RBFOX2: variants seen among roughly 807,000 people sequenced by gnomAD.
RBFOX2 encodes RNA binding protein fox-1 homolog 2.
A neutral mutation model predicts 49.1 loss-of-function variants in RBFOX2; 10 were observed. That is an observed-to-expected ratio of 0.20 (90% CI 0.13 to 0.35). The LOEUF is 0.35. Among genes scored for constraint, RBFOX2 ranks in the 10% least tolerant of loss-of-function variants. The probability of loss-of-function intolerance (pLI) is 1.00; values close to 1 mark genes in which losing one functional copy is unlikely to be tolerated. For missense variants in RBFOX2, 323 were observed against 486.9 expected (o/e 0.66, Z 3.17); for synonymous variants, 183 against 187.4 (o/e 0.98, Z 0.19).
intron 1 of RBFOX2, among the ~76,000 whole-genome samples, chr22:35,834,235 T>C (rs1396947076): frequency 6.6e-6 from 1 of 152,250 alleles, no homozygotes; most frequent in Non-Finnish European, 1.5e-5. Context: ...AACCGTCATA[T>C]GCCTAGTTTC....
intron 1 of RBFOX2, among the ~76,000 whole-genome samples, chr22:35,923,338 T>C (rs781122048): frequency 3.3e-5 from 5 of 150,572 alleles, no homozygotes; most frequent in Non-Finnish European, 5.9e-5. Context: ...ATATCTTTTT[T>C]TTCTTTTTTC....
At chr22:35,845,344 T>G (rs1483022747), upstream of RBFOX2, among the ~76,000 whole-genome samples, 1 of 152,010 alleles carries the variant, frequency 6.6e-6, no homozygotes, top group African/African-American at 2.4e-5. Flanking sequence ...TTTCCCTAAC[T>G]TTATTTCTCT....
intron 1 of RBFOX2, among the ~76,000 whole-genome samples, chr22:35,904,717 C>A (rs1283232915): frequency 6.6e-6 from 1 of 152,176 alleles, no homozygotes; most frequent in Non-Finnish European, 1.5e-5. Context: ...TTCTTCTCAG[C>A]ACAATAATAG....
chr22:36,023,040 A>C (rs1265108813), intron 1 of RBFOX2, among the ~76,000 whole-genome samples: 1 of 152,158 alleles, frequency 6.6e-6, no homozygotes, highest in Non-Finnish European at 1.5e-5. Context: ...AATTTCAGTG[A>C]AATATTGTTC....
chr22:35,971,194 T>C (rs1039073491), intron 1 of RBFOX2, among the ~76,000 whole-genome samples: 2 of 152,062 alleles, frequency 1.3e-5, no homozygotes, highest in African/African-American at 2.4e-5. Context: ...CAATACTACA[T>C]GGGATGTGGG....
At chr22:35,898,148 A>G in intron 1 of RBFOX2, 1 of 744,320 alleles carries the variant, frequency 1.3e-6, no homozygotes, top group Non-Finnish European at 2.5e-6. Context: ...CATGTATCAC[A>G]CCGATAGGGT....
At chr22:36,006,332 A>C (rs2058617931) in intron 1 of RBFOX2, among the ~76,000 whole-genome samples, 1 of 152,228 alleles carries the variant, frequency 6.6e-6, no homozygotes, top group Non-Finnish European at 1.5e-5. Context: ...GCGGCACTCA[A>C]CCTGTGGTTC....
rs1934160692 is a variant in RBFOX2 at position 35,749,627 on chromosome 22, C to T, written c.888-3066G>A. 6.6e-6 allele frequency among the ~76,000 whole-genome samples: 1 copy of T among 152,058 alleles called. No homozygotes were observed. The highest frequency in any genetic ancestry group is 6.6e-5 in the Admixed American group (1 of 15,260). On this transcript the variant is annotated intron_variant, in intron 9 of 11. Transcript: ENST00000405409. This position sits in a 1 kb window ranked among gnomAD's most constrained non-coding sequence, Gnocchi z 4.1. ...AATTCAGATATATTTATTTCTATTCCAGATTTCAAAGTGCATAGAAATTTC... is the reference window on the plus strand; with the variant it reads ...AATTCAGATATATTTATTTCTATTCTAGATTTCAAAGTGCATAGAAATTTC...
At chr22:35,892,593 C>G (rs905452086) in intron 1 of RBFOX2, among the ~76,000 whole-genome samples, 1 of 152,152 alleles carries the variant, frequency 6.6e-6, no homozygotes, top group Admixed American at 6.5e-5. Context: ...TGAACATAGT[C>G]CAGTAATTTT....
intron 1 of RBFOX2, among the ~76,000 whole-genome samples, chr22:35,895,185 C>G (rs2047693380): frequency 6.6e-6 from 1 of 152,110 alleles, no homozygotes; most frequent in Admixed American, 6.5e-5. Context: ...GGGAATCTCT[C>G]TCTGCAATTC....
intron 1 of RBFOX2, among the ~76,000 whole-genome samples, chr22:35,853,940 G>A (rs1057154339): frequency 6.6e-6 from 1 of 152,116 alleles, no homozygotes; most frequent in African/African-American, 2.4e-5. Flanking sequence ...GCCAGGCACG[G>A]TGGCTCACGC....
At chr22:35,946,750 A>G (rs2054316830) in intron 1 of RBFOX2, among the ~76,000 whole-genome samples, 1 of 152,188 alleles carries the variant, frequency 6.6e-6, no homozygotes, top group Non-Finnish European at 1.5e-5. Context: ...GATATTATAA[A>G]CTGTTTCTAG....
chr22:35,781,487 G>A, intron 3 of RBFOX2, 113 bp downstream of exon 4: 4 of 1,346,564 alleles, frequency 3.0e-6, no homozygotes, highest in Non-Finnish European at 4.1e-6. Context: ...TTTACCTCAG[G>A]TTCTTTCAAT....
At chr22:35,867,908 C>A (rs2043876621) in intron 1 of RBFOX2, among the ~76,000 whole-genome samples, 2 of 152,248 alleles carry the variant, frequency 1.3e-5, no homozygotes, top group Middle Eastern at 3.4e-3. Context: ...GCATATCACA[C>A]CACTTTTTAA....
chr22:35,901,156 T>C (rs1353329829), intron 1 of RBFOX2, among the ~76,000 whole-genome samples: 1 of 152,232 alleles, frequency 6.6e-6, no homozygotes, highest in African/African-American at 2.4e-5. Context: ...AGTGGTTACA[T>C]AATATACTCA....
chr22:35,800,759 A>G (rs1419686120), intron 2 of RBFOX2, among the ~76,000 whole-genome samples: 2 of 152,168 alleles, frequency 1.3e-5, no homozygotes, highest in Non-Finnish European at 2.9e-5. Context: ...GCACTGTGAC[A>G]AGTCAGGGAA....
chr22:35,982,426 T>A (rs1016047743), intron 1 of RBFOX2, among the ~76,000 whole-genome samples: 2 of 151,942 alleles, frequency 1.3e-5, no homozygotes, highest in African/African-American at 4.8e-5. Context: ...ACATTATAGG[T>A]CTTGTTGGTA....
At chr22:35,784,819 C>T (rs1363028452) in intron 2 of RBFOX2, among the ~76,000 whole-genome samples, 1 of 152,152 alleles carries the variant, frequency 6.6e-6, no homozygotes, top group East Asian at 1.9e-4. Context: ...GCCCGGGGGC[C>T]GCGACCACCG....
chr22:35,952,689 A>G (rs1341843175), intron 1 of RBFOX2, among the ~76,000 whole-genome samples: 2 of 152,192 alleles, frequency 1.3e-5, no homozygotes, highest in African/African-American at 4.8e-5. Flanking sequence ...TCCCTGTCTT[A>G]TTGTGTTCTT....
Sources: gnomAD v4.1 joint callset for allele counts (sites outside exome capture counted in the v4.1 genomes callset) on GRCh38, gnomAD v4.1.1 for gene constraint, Gnocchi (gnomAD v3.1) non-coding constraint, MANE v1.5 for transcripts, NCBI Gene and HGNC (gene_info 2026-07-23, HGNC 2026-07-21) for gene names.